KIAA0930: variants seen among roughly 807,000 people sequenced by gnomAD.
KIAA0930 encodes the protein uncharacterized protein KIAA0930.
In KIAA0930, 24 loss-of-function variants were observed where a neutral mutation model predicts 43.9. The observed-to-expected ratio is 0.55, with a 90% CI of 0.40 to 0.77. KIAA0930 has a LOEUF of 0.77. KIAA0930 is among the 30% of genes least tolerant of loss of function. The pLI is 0.00. For missense variants in KIAA0930, 461 were observed against 574.2 expected (o/e 0.80, Z 2.02); for synonymous variants, 259 against 216.4 (o/e 1.20, Z -1.73).
chr22:45,207,416 G>A (rs563172225), intron 2 of KIAA0930, among the ~76,000 whole-genome samples: 1 of 150,842 alleles, frequency 6.6e-6, no homozygotes, highest in African/African-American at 2.4e-5. Context: ...TCTACCTCCT[G>A]GGTTCACGTG....
chr22:45,229,878 G>C (rs1012626642), intron 1 of KIAA0930, among the ~76,000 whole-genome samples: 2 of 152,242 alleles, frequency 1.3e-5, no homozygotes, highest in African/African-American at 4.8e-5. Flanking sequence ...TGGATCACCT[G>C]AGGTCAGGAG....
intron 5 of KIAA0930, among the ~76,000 whole-genome samples, chr22:45,204,271 C>A (rs2083616171): frequency 6.6e-6 from 1 of 152,190 alleles, no homozygotes; most frequent in South Asian, 2.1e-4. Context: ...CCGTCAGCCA[C>A]CGTCTGGGCC....
chr22:45,232,815 T>C (rs1483750821), intron 1 of KIAA0930, among the ~76,000 whole-genome samples: 5 of 152,034 alleles, frequency 3.3e-5, no homozygotes, highest in African/African-American at 1.2e-4. Context: ...CGCCTCTCCA[T>C]GTGGTGGGGC....
At chr22:45,234,466 C>T (rs1364447953) in intron 1 of KIAA0930, among the ~76,000 whole-genome samples, 6 of 152,182 alleles carry the variant, frequency 3.9e-5, no homozygotes, top group Admixed American at 3.9e-4. Flanking sequence ...CAGGGACGCC[C>T]ATCACTACCT....
At chr22:45,205,755 C>G (rs1286723593) in intron 3 of KIAA0930, 38 bp downstream of exon 3, 2 of 1,611,490 alleles carry the variant, frequency 1.2e-6, no homozygotes, top group Admixed American at 1.7e-5. Flanking sequence ...AGCCATCCCA[C>G]AGGGCCAATC....
At position 45,224,048 on chromosome 22, in the gene KIAA0930, C is replaced by A. The variant is rs140308294; in HGVS notation, c.65-11941G>T. Among the ~76,000 whole-genome samples the A allele has an allele frequency of 3.3e-5, 5 of 152,302 alleles. No individual in the cohort carries two copies. The East Asian group carries it at 9.6e-4, about 29-fold the overall frequency. On this transcript the variant is annotated intron_variant, in intron 1 of 9. Coordinates refer to ENST00000336156, the MANE Select transcript of KIAA0930 (RefSeq NM_001009880.2). ...AAAGACTCAGTGTTTTCATTAAGAA[C>A]CTTCTCAAACCTTTTGTATTTTGTA...
At chr22:45,228,741 C>T (rs1448535875) in intron 1 of KIAA0930, among the ~76,000 whole-genome samples, 2 of 79,140 alleles carry the variant, frequency 2.5e-5, no homozygotes, top group African/African-American at 1.3e-4. Flanking sequence ...TCTCCACCCC[C>T]CTACCACCAC....
chr22:45,233,944 G>C (rs1020318643), intron 1 of KIAA0930, among the ~76,000 whole-genome samples: 4 of 152,238 alleles, frequency 2.6e-5, no homozygotes, highest in African/African-American at 9.6e-5. Flanking sequence ...GAAGACAGAA[G>C]AGCGGGGCTG....
intron 1 of KIAA0930, among the ~76,000 whole-genome samples, chr22:45,240,050 G>A (rs922490680): frequency 6.6e-6 from 1 of 152,138 alleles, no homozygotes; most frequent in African/African-American, 2.4e-5. Flanking sequence ...CCGAGAGGCA[G>A]CAGGCCCTGC....
chr22:45,234,600 C>T (rs2083875259), intron 1 of KIAA0930, among the ~76,000 whole-genome samples: 1 of 152,216 alleles, frequency 6.6e-6, no homozygotes, highest in South Asian at 2.1e-4. Flanking sequence ...CAGCAGCCTC[C>T]AAGAAATGGC....
At chr22:45,206,137 T>C (rs2083636134) in intron 2 of KIAA0930, among the ~76,000 whole-genome samples, 1 of 152,170 alleles carries the variant, frequency 6.6e-6, no homozygotes, top group Non-Finnish European at 1.5e-5. Context: ...CACTTCAGCC[T>C]CCCAAGCAAC....
At chr22:45,218,791 AG>A (rs1156310993) in intron 1 of KIAA0930, among the ~76,000 whole-genome samples, 1 of 152,110 alleles carries the variant, frequency 6.6e-6, no homozygotes, top group Non-Finnish European at 1.5e-5. Flanking sequence ...GTGAACAGCT[AG>A]GAAAGCAATT....
At chr22:45,211,480 A>G (rs1252609346) in intron 2 of KIAA0930, 4 of 402,512 alleles carry the variant, frequency 9.9e-6, no homozygotes, top group Non-Finnish European at 1.8e-5. Context: ...TTGGGACTTC[A>G]CAAGGAGGCT....
intron 1 of KIAA0930, among the ~76,000 whole-genome samples, chr22:45,218,333 A>ATTTTTTTTTTTTTTTT (rs752298111): frequency 1.2e-4 from 6 of 51,704 alleles, no homozygotes; most frequent in African/African-American, 4.9e-4. Flanking sequence ...AATTTTTTTG[A>ATTTTTTTTTTTTTTTT]TTTTTTTTTT....
intron 1 of KIAA0930, chr22:45,212,423 G>C: frequency 1.3e-6 from 2 of 1,516,682 alleles, no homozygotes; most frequent in Non-Finnish European, 1.8e-6. Flanking sequence ...ATCCCGAGGA[G>C]CCAGGAACGC....
intron 1 of KIAA0930, among the ~76,000 whole-genome samples, chr22:45,234,359 G>A (rs572384781): frequency 1.5e-4 from 23 of 152,316 alleles, no homozygotes; most frequent in African/African-American, 5.1e-4. Flanking sequence ...GAGCTCTCAG[G>A]TAAGAAGACA....
chr22:45,240,573 A>T, intron 1 of KIAA0930, 67 bp downstream of exon 1: 1 of 1,123,834 alleles, frequency 8.9e-7, no homozygotes, highest in Non-Finnish European at 1.3e-6. Flanking sequence ...AGAAACACGG[A>T]CGCGCAGAGG....
chr22:45,197,996 C>T (rs1252110530), intron 8 of KIAA0930, 48 bp from the exon 9 acceptor site: 40 of 1,598,068 alleles, frequency 2.5e-5, no homozygotes, highest in South Asian at 3.3e-5. Flanking sequence ...TGGGACGCGG[C>T]GGGAGCAGCA....
intron 4 of KIAA0930, 134 bp from the exon 5 acceptor site, chr22:45,205,452 G>A (rs2083627997): frequency 3.3e-6 from 3 of 914,714 alleles, no homozygotes; most frequent in Non-Finnish European, 5.2e-6. Flanking sequence ...GAGATGTGGG[G>A]GATAAGCTGG....
Sources: gnomAD v4.1 joint callset for allele counts (sites outside exome capture counted in the v4.1 genomes callset) on GRCh38, gnomAD v4.1.1 for gene constraint, MANE v1.5 for transcripts, NCBI Gene and HGNC (gene_info 2026-07-23, HGNC 2026-07-21) for gene names.